Variants in TCIRG1 observed in about 807,000 individuals in gnomAD.
TCIRG1 encodes the protein V-type proton ATPase 116 kDa subunit a 3.
TCIRG1 carries 86 observed loss-of-function variants against 95.5 expected under a neutral mutation model. The ratio of observed to expected loss-of-function variants is 0.90; its 90% CI spans 0.76 to 1.08. The LOEUF (loss-of-function observed/expected upper bound fraction) is 1.08. TCIRG1 is among the 50% of genes least tolerant of loss of function. The pLI is 0.00. For synonymous variants in TCIRG1, 499 were observed against 501.3 expected (o/e 1.00, Z 0.06); for missense variants, 1,069 against 1,140.2 (o/e 0.94, Z 0.90).
rs1255211882 is a variant in TCIRG1, at chr11:68,043,562, G to A, written c.631-9G>A. On this transcript the variant is annotated splice_polypyrimidine_tract_variant and intron_variant, in intron 6 of 19. Transcript: ENST00000265686. ...CGGGACCCCAGAGTCAGCTGAGCCT[G>A]CTCTGCAGGGCGAGCCAGCCACGTG... 1.9e-6 allele frequency: 3 copies of A among 1,605,468 alleles called. No homozygotes were observed. Among genetic ancestry groups the A allele is most frequent in the African/African-American group, 1.3e-5 (1 of 74,848 alleles).
chr11:68,049,411 G>GT (rs1855677614), intron 15 of TCIRG1, 117 bp downstream of exon 15: 1 of 1,159,050 alleles, frequency 8.6e-7, no homozygotes, highest in African/African-American at 1.5e-5. Flanking sequence ...GCCCCGGGCC[G>GT]TGCAGACAGG....
In TCIRG1 at chr11:68,047,873, T is replaced by A; in HGVS notation, c.1464-9T>A. 1 of 1,613,396 alleles carries A rather than the reference T, an allele frequency of 6.2e-7. No individual in the cohort carries two copies. The highest frequency in any genetic ancestry group is 8.5e-7 in the Non-Finnish European group (1 of 1,179,896). On this transcript the variant is annotated splice_polypyrimidine_tract_variant and intron_variant, in intron 12 of 19. Coordinates refer to ENST00000265686, the MANE Select transcript of TCIRG1 (RefSeq NM_006019.4). ...GCAGCCCTGACCGCCCTCCCCTGCG[T>A]TGCCGCAGTGATGCATTCCTGGCCC...
In TCIRG1 at chr11:68,044,976, G is replaced by A. The variant is rs756515585; in HGVS notation, c.1039G>A (p.Ala347Thr). 6.2e-7 allele frequency: 1 copy of A among 1,608,358 alleles called. No homozygotes were observed. Among genetic ancestry groups the A allele is most frequent in the South Asian group, 1.1e-5 (1 of 91,090 alleles). ...RDSSMEEGVS[A>T]VAHRIPCRDM... ...CACCCAGATGGAGGAGGGAGTGAGT[G>A]CCGTGGCTCACCGCATCCCCTGCCG... The change falls in exon 10 of 20, where the codon GCC becomes ACC. Residue 347 changes from alanine to threonine, a missense_variant. Coordinates refer to ENST00000265686, the MANE Select transcript of TCIRG1 (RefSeq NM_006019.4).
At position 68,050,738 on chromosome 11, in the gene TCIRG1, C is replaced by A. The variant is rs761286901; in HGVS notation, c.2415-3C>A. 2.5e-6 allele frequency: 4 copies of A among 1,613,960 alleles called. No homozygotes were observed. In the East Asian group the frequency reaches 8.9e-5, roughly 36 times the overall value. On this transcript the variant is annotated splice_polypyrimidine_tract_variant and splice_region_variant and intron_variant, in intron 19 of 19. Transcript: ENST00000265686. ...CACCAACCCCTCTGCTTCTCACCCC[C>A]AGGGTGGAATTCCAGAACAAGTTCT...
chr11:68,050,378 G>C, intron 18 of TCIRG1, 109 bp from the exon 19 acceptor site: 1 of 1,604,676 alleles, frequency 6.2e-7, no homozygotes, highest in South Asian at 1.1e-5. Context: ...TGTCCAAGGA[G>C]GTCCCTCGCT....
intron 10 of TCIRG1, 61 bp downstream of exon 10, chr11:68,045,163 G>T: frequency 1.9e-6 from 3 of 1,591,406 alleles, no homozygotes; most frequent in Non-Finnish European, 2.6e-6. Flanking sequence ...CTGGGTGGGT[G>T]TGAGCCTGAG....
At position 68,041,355 on chromosome 11, in the gene TCIRG1, G is replaced by T. The variant is rs1477483057; in HGVS notation, c.84G>T (p.Arg28=). 2 of 1,612,844 alleles carry T rather than the reference G, an allele frequency of 1.2e-6. No homozygotes were observed. Among genetic ancestry groups the T allele is most frequent in the African/African-American group, 2.7e-5 (2 of 74,934 alleles). ...PTAAAYTCVS[R]LGELGLVEFR... ...CGGCTGCCTACACCTGCGTGAGTCG[G>T]CTGGGCGAGCTGGGCCTCGTGGAGT... Residue 28 remains arginine (R), a synonymous_variant, in exon 2 of 20, where the codon CGG becomes CGT. Coordinates refer to ENST00000265686, the MANE Select transcript of TCIRG1 (RefSeq NM_006019.4).
intron 3 of TCIRG1, 105 bp from the exon 4 acceptor site, chr11:68,042,537 TG>T: frequency 1.1e-6 from 1 of 936,132 alleles, no homozygotes; most frequent in Non-Finnish European, 1.6e-6. Context: ...CACCTCCACC[TG>T]GTGAATCCAG....
At chr11:68,052,933 A>G (rs118031971), downstream of TCIRG1, 6,760 of 152,626 alleles carry the variant, frequency 0.044, 188 homozygotes, top group Middle Eastern at 0.065. Flanking sequence ...AACAATTCAA[A>G]TAAGAGTTCA....
At chr11:68,047,233 A>G in intron 10 of TCIRG1, among the ~76,000 whole-genome samples, 200 bp from the exon 11 acceptor site, 1 of 124,422 alleles carries the variant, frequency 8.0e-6, no homozygotes, top group African/African-American at 3.3e-5. Flanking sequence ...CTGGTCTCGA[A>G]CTCCTGACCT....
intron 9 of TCIRG1, chr11:68,044,727 G>A (rs942694129): frequency 2.6e-5 from 16 of 619,432 alleles, no homozygotes; most frequent in East Asian, 5.6e-5. Flanking sequence ...CTCCTGGGCC[G>A]TCCCTAGGAG....
chr11:68,050,351 C>G (rs186221140), intron 18 of TCIRG1, 97 bp downstream of exon 18: 4 of 1,600,062 alleles, frequency 2.5e-6, no homozygotes, highest in South Asian at 1.1e-5. Context: ...CTCAGTTTCC[C>G]CTCTGTAAAG....
In TCIRG1 at chr11:68,044,166, T is replaced by A; in HGVS notation, c.842T>A (p.Val281Glu). The change falls in exon 9 of 20, where the codon GTG becomes GAG. Residue 281 changes from valine (V) to glutamate (E), a missense_variant. Val to Glu is a moderately radical substitution (Grantham distance 121, BLOSUM62 -2). Transcript: ENST00000265686. ...GAGACAGAGCGGTTCCTGAGCCAGGTGCTAGGCCGGGTGCTGCAGCTGCTG... is the reference window on the plus strand; with the variant it reads ...GAGACAGAGCGGTTCCTGAGCCAGGAGCTAGGCCGGGTGCTGCAGCTGCTG... ...LGETERFLSQVLGRVLQLLPP... is the reference protein window; with the variant it reads ...LGETERFLSQELGRVLQLLPP... 6.4e-7 allele frequency: 1 copy of A among 1,552,418 alleles called. No homozygotes were observed. Among genetic ancestry groups the A allele is most frequent in the East Asian group, 2.4e-5 (1 of 41,542 alleles).
At position 68,043,648 on chromosome 11, in the gene TCIRG1, G is replaced by A. The variant is rs545210512; in HGVS notation, c.708G>A (p.Thr236=). The A allele has an allele frequency of 5.0e-6, 8 of 1,607,656 alleles. No individual in the cohort carries two copies. Among genetic ancestry groups the A allele is most frequent in the African/African-American group, 4.0e-5 (3 of 74,936 alleles). The part of the protein sequence containing the change: ...EQIGQKIRKI[T]DCFHCHVFPF... ...TCGGACAGAAGATCCGCAAGATCACGGACTGGTGAGTCACTGGGAACACCC... is the reference window on the plus strand; with the variant it reads ...TCGGACAGAAGATCCGCAAGATCACAGACTGGTGAGTCACTGGGAACACCC... Residue 236 remains threonine (T), a synonymous_variant, in exon 7 of 20, where the codon ACG becomes ACA. Transcript: ENST00000265686.
intron 10 of TCIRG1, chr11:68,046,843 A>G: frequency 2.2e-6 from 1 of 455,914 alleles, no homozygotes; most frequent in South Asian, 1.6e-5. Flanking sequence ...GAACAGCAAC[A>G]GCTGAAGCTG....
rs1465064615 is a variant in TCIRG1 at position 68,047,782 on chromosome 11, A to T, written c.1441A>T (p.Met481Leu). The T allele has an allele frequency of 6.2e-7, 1 of 1,612,998 alleles. No individual in the cohort carries two copies. The highest frequency in any genetic ancestry group is 1.7e-5 in the Admixed American group (1 of 60,032). ...CCCCTCGGGCTGGAGTGTGGCCGCC[A>T]TGGCCAACCAGTCTGGCTGGAGGTG... ...IFPSGWSVAA[M>L]ANQSGWSDAF... Residue 481 changes from methionine to leucine, a missense_variant, in exon 12 of 20, where the codon ATG becomes TTG. Physicochemically the swap from Met to Leu is conservative, Grantham distance 15. Transcript: ENST00000265686.
rs748751903 is a variant in TCIRG1 at position 68,044,320 on chromosome 11, G to GCGGGA, written c.997_998insGGGAC (p.Gln333ArgfsTer15). On this transcript the variant is annotated frameshift_variant, in exon 9 of 20. Coordinates refer to ENST00000265686, the MANE Select transcript of TCIRG1 (RefSeq NM_006019.4). LOFTEE classifies it high-confidence loss of function. The stretch of plus-strand genomic sequence containing the variant: ...GCTCTGTGCGAGACCTGCCCGCCCT[G>GCGGGA]CAGGAGGCCCTGCGGGACAGCTCGG... 1 of 1,596,426 alleles carries GCGGGA rather than the reference G, an allele frequency of 6.3e-7. No homozygotes were observed. Among genetic ancestry groups the GCGGGA allele is most frequent in the South Asian group, 1.1e-5 (1 of 88,430 alleles).
chr11:68,049,995 G>C lies in TCIRG1; in HGVS notation c.2047G>C (p.Asp683His), dbSNP rs371004770. 6 of 1,612,934 alleles carry C rather than the reference G, an allele frequency of 3.7e-6. No individual in the cohort carries two copies. The South Asian group carries it at 4.4e-5, about 12-fold the overall frequency. The part of the protein sequence containing the change: ...ENKAGLLDLP[D>H]ASVNGWSSDE... ...CAAGGCCGGGTTGCTGGACCTGCCT[G>C]ACGCATCTGTGAATGGCTGGAGCTC... The change falls in exon 17 of 20, where the codon GAC becomes CAC. Residue 683 changes from aspartate (D) to histidine (H), a missense_variant. Physicochemically the swap from Asp to His is moderately conservative, Grantham distance 81. Coordinates refer to ENST00000265686, the MANE Select transcript of TCIRG1 (RefSeq NM_006019.4).
At chr11:68,045,181 T>C (rs1057090059) in intron 10 of TCIRG1, 79 bp downstream of exon 10, 6 of 1,565,672 alleles carry the variant, frequency 3.8e-6, no homozygotes, top group Admixed American at 1.7e-5. Context: ...GAGGGGGAGG[T>C]ATCTCCATCC....
Sources: gnomAD v4.1 joint callset for allele counts (sites outside exome capture counted in the v4.1 genomes callset) on GRCh38, gnomAD v4.1.1 for gene constraint, MANE v1.5 for transcripts, NCBI Gene and HGNC (gene_info 2026-07-23, HGNC 2026-07-21) for gene names.